METTL15: variants seen among roughly 807,000 people sequenced by gnomAD.
METTL15 encodes the protein methyltransferase 15, mitochondrial 12S rRNA N4-cytidine, also known as 12S rRNA N(4)-cytidine methyltransferase METTL15.
In METTL15, 34 loss-of-function variants were observed where a neutral mutation model predicts 38.3. The observed-to-expected ratio is 0.89, with a 90% CI of 0.68 to 1.18. The LOEUF is 1.18. Among genes scored for constraint, METTL15 ranks in the 50% most tolerant of loss-of-function variants. METTL15 has a pLI of 0.00. For synonymous variants in METTL15, 162 were observed against 170.9 expected, an observed-to-expected ratio of 0.95 and a Z score of 0.41; for missense variants, 438 against 498.4, an observed-to-expected ratio of 0.88 and a Z score of 1.15.
intron 4 of METTL15, among the ~76,000 whole-genome samples, chr11:28,244,239 TTGCC>T (rs998245248): frequency 1.3e-5 from 2 of 152,212 alleles, no homozygotes; most frequent in African/African-American, 4.8e-5. Flanking sequence ...TTCTTTTTCT[TTGCC>T]TGGTAAGTGT....
chr11:28,330,008 G>C (rs1008957402), intron 6 of METTL15, among the ~76,000 whole-genome samples: 1 of 152,006 alleles, frequency 6.6e-6, no homozygotes, highest in East Asian at 1.9e-4. Context: ...ATCTTTGGCT[G>C]TAGTAGTTTT....
At chr11:28,208,283 G>T (rs933945623) in intron 3 of METTL15, among the ~76,000 whole-genome samples, 2 of 152,146 alleles carry the variant, frequency 1.3e-5, no homozygotes, top group Non-Finnish European at 2.9e-5. Flanking sequence ...TGCTTTGAAT[G>T]TGTCCCAGAG....
chr11:28,243,476 T>G (rs1192792294), intron 4 of METTL15, among the ~76,000 whole-genome samples: 1 of 152,202 alleles, frequency 6.6e-6, no homozygotes, highest in Admixed American at 6.5e-5. Context: ...CCTACCTGAT[T>G]TAATAAAAAT....
intron 6 of METTL15, among the ~76,000 whole-genome samples, chr11:28,478,283 C>G (rs577457106): frequency 2.2e-4 from 33 of 152,150 alleles, no homozygotes; most frequent in Admixed American, 9.8e-4. Context: ...TTTATGAATT[C>G]AAGCTCTGTT....
chr11:28,408,499 T>C (rs909006120), intron 5 of METTL15, among the ~76,000 whole-genome samples: 7 of 152,126 alleles, frequency 4.6e-5, no homozygotes, highest in African/African-American at 1.7e-4. Flanking sequence ...TATAAGGAAA[T>C]AATCATGTAT....
chr11:28,371,561 T>A (rs1300715275), intron 5 of METTL15, among the ~76,000 whole-genome samples: 1 of 152,064 alleles, frequency 6.6e-6, no homozygotes, highest in Non-Finnish European at 1.5e-5. Context: ...TCTATTTCTG[T>A]GAAATGACAT....
chr11:28,293,487 C>T (rs1474556384), intron 5 of METTL15, among the ~76,000 whole-genome samples: 10 of 152,192 alleles, frequency 6.6e-5, no homozygotes, highest in East Asian at 1.9e-4. Flanking sequence ...AGTCAGGTAG[C>T]GTGATGCCTC....
chr11:28,356,006 A>G (rs557821577), intron 4 of METTL15, among the ~76,000 whole-genome samples: 1 of 152,228 alleles, frequency 6.6e-6, no homozygotes, highest in Admixed American at 6.5e-5. Flanking sequence ...GGGCTGTTGC[A>G]CGTGTTGTCT....
Position 28,113,427 on chromosome 11 carries a change from C to A in METTL15, c.93C>A (p.Asn31Lys), listed in dbSNP as rs2883478. The A allele has an allele frequency of 0.46, 695,339 of 1,504,698 alleles. 178,320 individuals are homozygous for A. Among genetic ancestry groups the A allele is most frequent in the African/African-American group, 0.73 (52,135 of 71,562 alleles). 93.2% of individuals were successfully genotyped at this position (1,504,698 alleles called of 1,614,324 possible). A position where few individuals can be genotyped will look rare whatever the true frequency, so the allele number is the denominator to read the frequency against. ...TACCTAATTTAGGTGTCTGGCCAAA[C>A]AGAATACATACTACAGCAGAAAAAT... ...SGIPNLGVWP[N>K]RIHTTAEKYR... The change falls in exon 3 of 7, where the codon AAC (asparagine) becomes AAA (lysine). Residue 31 changes from asparagine to lysine, a missense_variant. Physicochemically the swap from Asn to Lys is moderately conservative, Grantham distance 94. Coordinates refer to ENST00000407364, the MANE Select transcript of METTL15 (RefSeq NM_001113528.2).
At chr11:28,118,399 T>A (rs950309534) in intron 3 of METTL15, among the ~76,000 whole-genome samples, 2 of 152,146 alleles carry the variant, frequency 1.3e-5, no homozygotes, top group Non-Finnish European at 2.9e-5. Flanking sequence ...TAAGGAGAAA[T>A]TAAAGAAATT....
intron 5 of METTL15, among the ~76,000 whole-genome samples, chr11:28,401,626 T>G (rs1020740844): frequency 6.6e-6 from 1 of 151,972 alleles, no homozygotes; most frequent in African/African-American, 2.4e-5. Context: ...GATAAATAAC[T>G]GAATGCCTTC....
rs1041629250 is a variant in METTL15, at chr11:28,325,646, G to A, written c.779-4750G>A. Among the ~76,000 whole-genome samples the A allele has an allele frequency of 8.5e-5, 13 of 152,112 alleles. 1 individual carries two copies. The highest frequency in any genetic ancestry group is 3.1e-4 in the African/African-American group (13 of 41,484). ...TCTTGGCTGCATGTCAAAATCCTCT[G>A]TGAAGCTTTTCAAAAGTAGTGATTC... On this transcript the variant is annotated intron_variant, in intron 6 of 6. Coordinates refer to ENST00000407364, the MANE Select transcript of METTL15 (RefSeq NM_001113528.2).
chr11:28,511,315 T>C (rs755368666), intron 6 of METTL15, among the ~76,000 whole-genome samples: 6 of 152,226 alleles, frequency 3.9e-5, no homozygotes, highest in Admixed American at 3.3e-4. Context: ...GTATTTTGTA[T>C]GTCACATGTA....
chr11:28,210,368 AT>A (rs528723090), intron 3 of METTL15, among the ~76,000 whole-genome samples: 18 of 148,234 alleles, frequency 1.2e-4, no homozygotes, highest in East Asian at 7.9e-4. Flanking sequence ...TTTCTTCTTC[AT>A]TTTTTTTTTA....
chr11:28,131,763 A>C (rs748847841), intron 3 of METTL15, among the ~76,000 whole-genome samples: 1 of 152,196 alleles, frequency 6.6e-6, no homozygotes, highest in South Asian at 2.1e-4. Context: ...CAACTTTAAC[A>C]GTTTTTGTTG....
At chr11:28,355,438 A>T (rs1307439200) in intron 4 of METTL15, among the ~76,000 whole-genome samples, 1 of 152,148 alleles carries the variant, frequency 6.6e-6, no homozygotes, top group African/African-American at 2.4e-5. Flanking sequence ...AAGATTCACC[A>T]TTACATTAAA....
chr11:28,468,447 C>T (rs1461449673), intron 6 of METTL15, among the ~76,000 whole-genome samples: 21 of 152,090 alleles, frequency 1.4e-4, no homozygotes, highest in Admixed American at 1.4e-3. Context: ...GCATGTCAGG[C>T]TACCTAATTT....
intron 3 of METTL15, among the ~76,000 whole-genome samples, chr11:28,129,369 T>C (rs1050013516): frequency 3.3e-5 from 5 of 152,046 alleles, no homozygotes; most frequent in African/African-American, 7.2e-5. Context: ...TTCTTAAATA[T>C]AAAACTTGGG....
intron 6 of METTL15, among the ~76,000 whole-genome samples, chr11:28,433,970 T>C (rs1190592491): frequency 1.3e-5 from 2 of 152,204 alleles, no homozygotes; most frequent in Admixed American, 6.5e-5. Flanking sequence ...GATGGTCTCC[T>C]TGGGCATCGT....
Sources: allele counts gnomAD v4.1 joint callset (sites outside exome capture counted in the v4.1 genomes callset), GRCh38; gene constraint gnomAD v4.1.1; transcripts MANE v1.5; gene names NCBI Gene and HGNC (gene_info 2026-07-23, HGNC 2026-07-21).